Variants in TESC observed in about 807,000 individuals in gnomAD.
TESC encodes the protein calcineurin B homologous protein 3.
A neutral mutation model predicts 31.0 loss-of-function variants in TESC; 19 were observed. The observed-to-expected ratio is 0.61, with a 90% confidence interval of 0.43 to 0.90. The LOEUF (loss-of-function observed/expected upper bound fraction) is 0.90, where lower values mean the gene tolerates loss of function less well. Among genes scored for constraint, TESC ranks in the 40% least tolerant of loss-of-function variants. The probability of loss-of-function intolerance (pLI) is 0.00; values close to 1 mark genes in which losing one functional copy is unlikely to be tolerated. For synonymous variants in TESC, 109 were observed against 114.8 expected, an observed-to-expected ratio of 0.95 and a Z score of 0.32; for missense variants, 248 against 303.8, an observed-to-expected ratio of 0.82 and a Z score of 1.36.
intron 1 of TESC, among the ~76,000 whole-genome samples, chr12:117,082,516 A>G (rs1368326671): frequency 6.6e-6 from 1 of 151,344 alleles, no homozygotes; most frequent in Non-Finnish European, 1.5e-5. Flanking sequence ...AAAAAAAAAA[A>G]GAAATTGGGG....
chr12:117,052,705 A>G (rs10850747), intron 3 of TESC, among the ~76,000 whole-genome samples: 60,758 of 151,886 alleles, frequency 0.4, 13,501 homozygotes, highest in African/African-American at 0.61. Flanking sequence ...AGGCAGGGAC[A>G]ATGACAGCTG....
chr12:117,046,703 C>G lies in TESC; in HGVS notation c.412-37G>C, dbSNP rs766352802. On this transcript the variant is annotated intron_variant, in intron 5 of 7. Transcript: ENST00000335209. ...GGCGGAAACAAACGGTGACCTTGGGCCTCCATCAGGGTCGTGGGGGGCAGA... is the reference window on the plus strand; with the variant it reads ...GGCGGAAACAAACGGTGACCTTGGGGCTCCATCAGGGTCGTGGGGGGCAGA... 1.2e-5 allele frequency: 18 copies of G among 1,552,150 alleles called. No homozygotes were observed. In the African/African-American group the frequency reaches 2.3e-4, roughly 20 times the overall value.
intron 1 of TESC, among the ~76,000 whole-genome samples, chr12:117,084,964 A>C (rs1955196881): frequency 2.0e-5 from 3 of 152,216 alleles, no homozygotes; most frequent in Admixed American, 2.0e-4. Context: ...GAGGCCAGGA[A>C]AGCAGATGCA....
At chr12:117,073,534 C>CA (rs1955006490) in intron 2 of TESC, among the ~76,000 whole-genome samples, 1 of 152,142 alleles carries the variant, frequency 6.6e-6, no homozygotes, top group Non-Finnish European at 1.5e-5. Flanking sequence ...TTTAGACAAA[C>CA]AAGAGAAAGT....
chr12:117,080,140 T>C (rs1043453814), intron 1 of TESC, among the ~76,000 whole-genome samples: 1 of 151,434 alleles, frequency 6.6e-6, no homozygotes, highest in African/African-American at 2.4e-5. Context: ...TAGATCAAGG[T>C]TATCTAATGA....
intron 6 of TESC, among the ~76,000 whole-genome samples, chr12:117,045,884 G>C (rs2135748212): frequency 6.6e-6 from 1 of 152,340 alleles, no homozygotes; most frequent in East Asian, 1.9e-4. Flanking sequence ...TAGAGCCTTA[G>C]GGCTGGGGGC....
At chr12:117,074,884 C>T (rs1399751555) in intron 2 of TESC, among the ~76,000 whole-genome samples, 2 of 152,210 alleles carry the variant, frequency 1.3e-5, no homozygotes, top group Non-Finnish European at 2.9e-5. Flanking sequence ...AGTTGGCTCA[C>T]GCCTATAATC....
intron 2 of TESC, among the ~76,000 whole-genome samples, chr12:117,062,131 T>TTA (rs1954807434): frequency 2.0e-5 from 3 of 152,144 alleles, no homozygotes; most frequent in African/African-American, 7.2e-5. Context: ...CTACGTACCC[T>TTA]CAAAATGGAA....
chr12:117,068,959 C>A (rs1315200522), intron 2 of TESC, among the ~76,000 whole-genome samples: 1 of 152,190 alleles, frequency 6.6e-6, no homozygotes, highest in Non-Finnish European at 1.5e-5. Flanking sequence ...GTATTTTCTT[C>A]ATTATTTAAA....
intron 2 of TESC, among the ~76,000 whole-genome samples, chr12:117,060,702 C>G (rs1038976535): frequency 1.3e-5 from 2 of 152,172 alleles, no homozygotes; most frequent in Non-Finnish European, 2.9e-5. Flanking sequence ...CCCCAGCTCA[C>G]CCAGTGGGGG....
intron 6 of TESC, among the ~76,000 whole-genome samples, chr12:117,046,134 T>C (rs561605592): frequency 7.2e-5 from 11 of 152,092 alleles, no homozygotes; most frequent in African/African-American, 1.9e-4. Context: ...CAGCCCCCAA[T>C]AGGGCTCCCT....
chr12:117,044,094 TTTTTAAAAAAC>T (rs1343485480), intron 6 of TESC, among the ~76,000 whole-genome samples: 1 of 152,012 alleles, frequency 6.6e-6, no homozygotes, highest in Non-Finnish European at 1.5e-5. Context: ...AAACATCTCT[TTTTTAAAAAAC>T]TTTTAAAAAT....
intron 2 of TESC, among the ~76,000 whole-genome samples, chr12:117,067,506 A>C (rs1954904585): frequency 6.6e-6 from 1 of 152,192 alleles, no homozygotes; most frequent in East Asian, 1.9e-4. Flanking sequence ...CGGGAGTCGG[A>C]GGCTGCAGTA....
intron 2 of TESC, among the ~76,000 whole-genome samples, chr12:117,058,076 C>T (rs978547140): frequency 6.6e-5 from 10 of 151,972 alleles, no homozygotes; most frequent in African/African-American, 2.2e-4. Context: ...AAAAATTACC[C>T]GGGTGTGGTG....
intron 1 of TESC, among the ~76,000 whole-genome samples, chr12:117,088,772 A>G (rs928696123): frequency 6.6e-6 from 1 of 152,128 alleles, no homozygotes; most frequent in African/African-American, 2.4e-5. Context: ...TACAGATTCT[A>G]CCTTCCATTA....
At chr12:117,066,200 CTTTT>C (rs58829406) in intron 2 of TESC, among the ~76,000 whole-genome samples, 8 of 62,978 alleles carry the variant, frequency 1.3e-4, no homozygotes, top group East Asian at 5.4e-4. Flanking sequence ...CTTCCTTTAG[CTTTT>C]TTTTTTTTTT....
intron 2 of TESC, among the ~76,000 whole-genome samples, chr12:117,068,160 C>T (rs1028566769): frequency 6.6e-6 from 1 of 152,082 alleles, no homozygotes; most frequent in African/African-American, 2.4e-5. Context: ...TCCCAAAGTG[C>T]TCAGATTACA....
At chr12:117,089,780 C>T (rs955736398) in intron 1 of TESC, among the ~76,000 whole-genome samples, 2 of 151,774 alleles carry the variant, frequency 1.3e-5, no homozygotes, top group Admixed American at 6.6e-5. Context: ...CAACATTTGT[C>T]TAATAGGAAT....
chr12:117,052,874 C>A (rs760225518), intron 3 of TESC, among the ~76,000 whole-genome samples: 1 of 152,164 alleles, frequency 6.6e-6, no homozygotes. Flanking sequence ...CCAAGTGCAG[C>A]CGGAATGAGC....
Sources: gnomAD v4.1 joint callset for allele counts (sites outside exome capture counted in the v4.1 genomes callset) on GRCh38, gnomAD v4.1.1 for gene constraint, MANE v1.5 for transcripts, NCBI Gene and HGNC (gene_info 2026-07-23, HGNC 2026-07-21) for gene names.